MTOR: variants seen among roughly 807,000 people sequenced by gnomAD.
MTOR encodes mechanistic target of rapamycin kinase.
MTOR carries 70 observed loss-of-function variants against 319.8 expected under a neutral mutation model. The ratio of observed to expected loss-of-function variants is 0.22; its 90% CI spans 0.18 to 0.27. The LOEUF (loss-of-function observed/expected upper bound fraction) is 0.27. MTOR is among the 10% of genes least tolerant of loss of function. The pLI is 1.00. For missense variants in MTOR, 1,890 were observed against 3,274.4 expected (o/e 0.58, Z 10.32); for synonymous variants, 1,183 against 1,211.4 (o/e 0.98, Z 0.49).
Position 11,233,490 on chromosome 1 carries a change from A to C in MTOR, c.2332-3T>G. On this transcript the variant is annotated splice_region_variant and splice_polypyrimidine_tract_variant and intron_variant, in intron 14 of 57. Coordinates refer to ENST00000361445, the MANE Select transcript of MTOR (RefSeq NM_004958.4). ...TCTTTCAGTTTCAAAATTAATGCCT[A>C]GAGAAAGAAGTTATGAGAAAATGAA... The C allele has an allele frequency of 6.2e-7, 1 of 1,611,880 alleles. No individual in the cohort carries two copies. Among genetic ancestry groups the C allele is most frequent in the South Asian group, 1.1e-5 (1 of 91,046 alleles).
At position 11,212,197 on chromosome 1, in the gene MTOR, A is replaced by G. The variant is rs1369748738; in HGVS notation, c.3561+115T>C. ...ACACATGAAAAGAAAAAAAGCAAGT[A>G]ATTCCACGTTCTCTGATGGTGGCTG... is the stretch of plus-strand genomic sequence containing the variant. On this transcript the variant is annotated intron_variant, in intron 23 of 57. Transcript: ENST00000361445. The surrounding 1 kb of genome is among the most constrained non-coding windows in gnomAD (Gnocchi z 4.1). The G allele has an allele frequency of 3.0e-6, 4 of 1,326,816 alleles. No individual in the cohort carries two copies. The highest frequency in any genetic ancestry group is 4.1e-6 in the Non-Finnish European group (4 of 967,024). 82.2% of individuals were successfully genotyped at this position (1,326,816 alleles called of 1,614,324 possible).
intron 13 of MTOR, among the ~76,000 whole-genome samples, chr1:11,237,343 CAT>C (rs1451431575): frequency 1.3e-5 from 2 of 152,142 alleles, no homozygotes; most frequent in African/African-American, 4.8e-5. Context: ...TTGGCATTCT[CAT>C]ATTATTTAAG....
rs1419731416 is a variant in MTOR at position 11,133,014 on chromosome 1, C to T, written c.5364+66G>A. On this transcript the variant is annotated intron_variant, in intron 38 of 57. Transcript: ENST00000361445. This position sits in a 1 kb window ranked among gnomAD's most constrained non-coding sequence, Gnocchi z 4.0. ...CTCCGCAGAAGCTCAGCTGTAACCA[C>T]GAGCACACAGGAGGACACGAGCCAG... The T allele has an allele frequency of 2.7e-5, 37 of 1,366,292 alleles. No individual in the cohort carries two copies. The highest frequency in any genetic ancestry group is 2.4e-4 in the Middle Eastern group (1 of 4,148). 84.6% of individuals were successfully genotyped at this position (1,366,292 alleles called of 1,614,324 possible). A position where few individuals can be genotyped will look rare whatever the true frequency, so the allele number is the denominator to read the frequency against.
chr1:11,121,166 C>A lies in MTOR; in HGVS notation c.6933+80G>T. ...CACAGCAAAGAAGAGCCGCTGTGTG[C>A]ACATGAACAGATGGGAGGGCCATCC... On this transcript the variant is annotated intron_variant, in intron 49 of 57. Transcript: ENST00000361445. This position sits in a 1 kb window ranked among gnomAD's most constrained non-coding sequence, Gnocchi z 4.9. 1 of 1,581,584 alleles carries A rather than the reference C, an allele frequency of 6.3e-7. No individual in the cohort carries two copies. Among genetic ancestry groups the A allele is most frequent in the Non-Finnish European group, 8.6e-7 (1 of 1,166,724 alleles).
chr1:11,152,210 A>T (rs1571005497), intron 30 of MTOR: 1 of 152,150 alleles, frequency 6.6e-6, no homozygotes, highest in East Asian at 1.9e-4. Flanking sequence ...AATAAATAAA[A>T]AACATGAGAT....
chr1:11,222,920 C>A (rs1646716244), intron 19 of MTOR, among the ~76,000 whole-genome samples: 1 of 152,060 alleles, frequency 6.6e-6, no homozygotes, highest in Non-Finnish European at 1.5e-5. Flanking sequence ...AATATCCGAA[C>A]CCACTGATCA....
chr1:11,136,841 C>G (rs566293050), intron 36 of MTOR, among the ~76,000 whole-genome samples: 1 of 146,834 alleles, frequency 6.8e-6, no homozygotes, highest in Admixed American at 6.9e-5. Context: ...AGTCTTAAAT[C>G]TGATTTTTTT....
intron 26 of MTOR, among the ~76,000 whole-genome samples, chr1:11,201,949 A>T (rs1050526010): frequency 6.6e-6 from 1 of 152,094 alleles, no homozygotes; most frequent in Non-Finnish European, 1.5e-5. Context: ...CTAGGATTAC[A>T]GCTTCATGCC....
chr1:11,247,104 C>T (rs535762000), intron 8 of MTOR, among the ~76,000 whole-genome samples: 1 of 152,256 alleles, frequency 6.6e-6, no homozygotes, highest in Non-Finnish European at 1.5e-5. Context: ...CAAACCTTTC[C>T]ACAGCTGAGG....
At chr1:11,214,595 C>T (rs1302419583) in intron 20 of MTOR, among the ~76,000 whole-genome samples, 2 of 152,118 alleles carry the variant, frequency 1.3e-5, no homozygotes, top group African/African-American at 2.4e-5. Flanking sequence ...AAGGATAACT[C>T]CTCAGATGAA....
intron 28 of MTOR, among the ~76,000 whole-genome samples, chr1:11,186,790 T>C (rs1645333739): frequency 1.3e-5 from 2 of 152,240 alleles, no homozygotes; most frequent in Non-Finnish European, 2.9e-5. Context: ...GTGGATGTTT[T>C]AGAAAATAGA....
rs1386939399 is a variant in MTOR at position 11,128,427 on chromosome 1, G to A, written c.5910+27C>T. On this transcript the variant is annotated intron_variant, in intron 42 of 57. Transcript: ENST00000361445. This position sits in a 1 kb window ranked among gnomAD's most constrained non-coding sequence, Gnocchi z 5.3. ...CTGACCACCAAACCAGTGGTTAGAT[G>A]AGAAACTGCCCAGAGTCTCCACATA... is the stretch of plus-strand genomic sequence containing the variant. The A allele has an allele frequency of 1.2e-6, 2 of 1,607,338 alleles. No homozygotes were observed. The highest frequency in any genetic ancestry group is 1.1e-5 in the South Asian group (1 of 90,900).
In MTOR at chr1:11,126,683, G is replaced by A. The variant is rs776183929; in HGVS notation, c.6465C>T (p.Ser2155=). The A allele has an allele frequency of 3.7e-6, 6 of 1,613,938 alleles. No individual in the cohort carries two copies. Among genetic ancestry groups the A allele is most frequent in the Non-Finnish European group, 5.1e-6 (6 of 1,180,012 alleles). Residue 2155 remains serine, a synonymous_variant, in exon 46 of 58, where the codon TCC becomes TCT. Coordinates refer to ENST00000361445, the MANE Select transcript of MTOR (RefSeq NM_004958.4). ...TGATGACTTGCAAAGACGGTGCTAT[G>A]GACTGAATGCGAATGATTGGCTGGT... is the stretch of plus-strand genomic sequence containing the variant. ...DPNQPIIRIQ[S]IAPSLQVITS... is the part of the protein sequence containing the mutation.
intron 19 of MTOR, among the ~76,000 whole-genome samples, chr1:11,222,482 C>G (rs1426359803): frequency 3.3e-5 from 5 of 152,120 alleles, no homozygotes; most frequent in Admixed American, 3.3e-4. Flanking sequence ...CAGGCGTGGG[C>G]CACTGCGCCC....
chr1:11,240,584 A>T, intron 10 of MTOR, 37 bp from the exon 11 acceptor site: 1 of 1,599,466 alleles, frequency 6.3e-7, no homozygotes, highest in African/African-American at 1.3e-5. Context: ...AGGGCTGGGC[A>T]CATGACACTC....
At chr1:11,192,400 C>A in intron 28 of MTOR, 1 of 1,534,062 alleles carries the variant, frequency 6.5e-7, no homozygotes, top group Non-Finnish European at 9.0e-7. Flanking sequence ...TGGCCATGCC[C>A]TAATACCTGT....
intron 35 of MTOR, 38 bp downstream of exon 35, chr1:11,139,495 G>C: frequency 6.2e-7 from 1 of 1,614,076 alleles, no homozygotes; most frequent in Non-Finnish European, 8.5e-7. Flanking sequence ...ACACCATGGG[G>C]CCCTACCTGC....
At chr1:11,213,674 G>C (rs1351635101) in intron 20 of MTOR, 108 bp from the exon 21 acceptor site, 5 of 1,044,940 alleles carry the variant, frequency 4.8e-6, no homozygotes, top group South Asian at 1.6e-5. Flanking sequence ...AGCATGGTCT[G>C]CGCCGAGATC....
chr1:11,120,597 C>T (rs1335672206), intron 49 of MTOR, among the ~76,000 whole-genome samples: 1 of 151,946 alleles, frequency 6.6e-6, no homozygotes, highest in East Asian at 1.9e-4. Context: ...AGTGATCCTC[C>T]TGCCTTGGCC....
Sources: allele counts gnomAD v4.1 joint callset (sites outside exome capture counted in the v4.1 genomes callset), GRCh38; gene constraint gnomAD v4.1.1; non-coding constraint Gnocchi (gnomAD v3.1); transcripts MANE v1.5; gene names NCBI Gene and HGNC (gene_info 2026-07-23, HGNC 2026-07-21).